ITGB1: variants seen among roughly 807,000 people sequenced by gnomAD.
ITGB1 encodes integrin subunit beta 1.
A neutral mutation model predicts 86.5 loss-of-function variants in ITGB1; 24 were observed. The ratio of observed to expected loss-of-function variants is 0.28; its 90% CI spans 0.20 to 0.39. The LOEUF (loss-of-function observed/expected upper bound fraction) is 0.39, where lower values mean the gene tolerates loss of function less well. Ranked by LOEUF, ITGB1 falls within the 10% of genes least tolerant of loss-of-function variation. ITGB1 has a pLI of 1.00. For missense variants in ITGB1, 556 were observed against 946.9 expected (o/e 0.59, Z 5.42); for synonymous variants, 323 against 316.8 (o/e 1.02, Z -0.21).
rs141333651 is a variant in ITGB1, at chr10:32,952,761, T to C, written c.-1+5384A>G. ...TTTTTCTTCTTCCTTTCTGTCTTTA[T>C]TGCCTCTTCATCTCCTCACCAACCA... is the stretch of plus-strand genomic sequence containing the variant. On this transcript the variant is annotated intron_variant, in intron 1 of 15. Transcript: ENST00000302278. 7.7e-4 allele frequency among the ~76,000 whole-genome samples: 118 copies of C among 152,320 alleles called. No homozygotes were observed. The Middle Eastern group carries it at 0.01, about 13-fold the overall frequency.
At chr10:32,912,937 A>G (rs533236560) in intron 11 of ITGB1, among the ~76,000 whole-genome samples, 1 of 152,156 alleles carries the variant, frequency 6.6e-6, no homozygotes, top group East Asian at 1.9e-4. Context: ...CACCTCATAC[A>G]GCCCGGTGCC....
intron 11 of ITGB1, among the ~76,000 whole-genome samples, chr10:32,919,527 A>T (rs2094942143): frequency 6.6e-6 from 1 of 152,172 alleles, no homozygotes; most frequent in African/African-American, 2.4e-5. Context: ...CATCGGTTTG[A>T]TGTTTTTCCA....
intron 11 of ITGB1, among the ~76,000 whole-genome samples, chr10:32,919,638 A>G (rs1312431391): frequency 3.3e-5 from 5 of 152,218 alleles, no homozygotes; most frequent in African/African-American, 4.8e-5. Flanking sequence ...TTTGTTGAAT[A>G]TACTTCTTTC....
intron 14 of ITGB1, among the ~76,000 whole-genome samples, chr10:32,909,748 A>T (rs981236718): frequency 6.6e-6 from 1 of 152,138 alleles, no homozygotes; most frequent in Non-Finnish European, 1.5e-5. Context: ...AGAAAATTCC[A>T]AAGAATCTAC....
At chr10:32,948,356 C>G (rs929482503) in intron 1 of ITGB1, among the ~76,000 whole-genome samples, 11 of 152,044 alleles carry the variant, frequency 7.2e-5, no homozygotes, top group African/African-American at 2.7e-4. Context: ...TACAAATGCT[C>G]TGAACACTAA....
intron 11 of ITGB1, among the ~76,000 whole-genome samples, chr10:32,915,392 T>G (rs977585589): frequency 5.9e-5 from 9 of 152,004 alleles, no homozygotes; most frequent in African/African-American, 1.9e-4. Context: ...TTTTTTGAAA[T>G]GATCAACAAA....
intron 3 of ITGB1, among the ~76,000 whole-genome samples, chr10:32,931,243 G>A (rs930145402): frequency 1.3e-5 from 2 of 152,008 alleles, no homozygotes; most frequent in African/African-American, 2.4e-5. Context: ...ATCAATCCAC[G>A]AAATTTACAA....
At chr10:32,946,567 A>C (rs1210394179) in intron 1 of ITGB1, among the ~76,000 whole-genome samples, 1 of 152,162 alleles carries the variant, frequency 6.6e-6, no homozygotes, top group Non-Finnish European at 1.5e-5. Flanking sequence ...GAAGTGGGGC[A>C]TATGAGAGAA....
intron 5 of ITGB1, among the ~76,000 whole-genome samples, chr10:32,927,107 G>T (rs182395216): frequency 5.6e-4 from 85 of 152,174 alleles, no homozygotes; most frequent in African/African-American, 1.9e-3. Context: ...TAGAATTCTG[G>T]CCATTTTAAA....
intron 1 of ITGB1, among the ~76,000 whole-genome samples, chr10:32,939,282 C>T (rs920426006): frequency 1.3e-5 from 2 of 152,232 alleles, no homozygotes; most frequent in African/African-American, 4.8e-5. Flanking sequence ...AATTCTAACG[C>T]TTGTCTCCTC....
chr10:32,935,458 T>C (rs1196180219), intron 2 of ITGB1, 34 bp downstream of exon 2: 4 of 1,426,082 alleles, frequency 2.8e-6, no homozygotes, highest in Non-Finnish European at 4.0e-6. Flanking sequence ...GATACGGAAA[T>C]GAAAAGACAA....
chr10:32,910,983 C>A (rs146981875), intron 13 of ITGB1, among the ~76,000 whole-genome samples: 1 of 152,156 alleles, frequency 6.6e-6, no homozygotes, highest in Non-Finnish European at 1.5e-5. Flanking sequence ...AAGTGATCCA[C>A]CTGTCTCGGC....
chr10:32,951,682 T>C lies in ITGB1; in HGVS notation c.-1+6463A>G, dbSNP rs559500123. The stretch of plus-strand genomic sequence containing the variant: ...AAGGTAAGACATTATTACCTAGCAA[T>C]TGATTGTTTTTCAAACCAGCCTAGT... On this transcript the variant is annotated intron_variant, in intron 1 of 15. Transcript: ENST00000302278. 9.2e-5 allele frequency: 14 copies of C among 152,318 alleles called. 1 individual carries two copies. In the South Asian group the frequency reaches 2.3e-3, roughly 25 times the overall value. 9.4% of individuals were successfully genotyped at this position (152,318 alleles called of 1,614,324 possible). A position where few individuals can be genotyped will look rare whatever the true frequency, so the allele number is the denominator to read the frequency against.
At chr10:32,915,796 C>A (rs1356939532) in intron 11 of ITGB1, among the ~76,000 whole-genome samples, 1 of 152,202 alleles carries the variant, frequency 6.6e-6, no homozygotes, top group African/African-American at 2.4e-5. Flanking sequence ...AAGAGGGAAT[C>A]CTCCCTAACT....
intron 1 of ITGB1, among the ~76,000 whole-genome samples, chr10:32,951,398 G>A (rs1284183208): frequency 6.6e-6 from 1 of 151,734 alleles, no homozygotes. Context: ...CAGACAACTG[G>A]TACAGCACCA....
chr10:32,907,293 T>C (rs550029722), intron 15 of ITGB1: 1 of 301,594 alleles, frequency 3.3e-6, no homozygotes, highest in Admixed American at 5.4e-5. Flanking sequence ...CCCAAGCAAA[T>C]TGTAGTAAAG....
intron 1 of ITGB1, chr10:32,935,817 G>A (rs993879088): frequency 3.3e-6 from 1 of 305,682 alleles, no homozygotes. Flanking sequence ...AAAGCAAACC[G>A]ATTATATTTT....
chr10:32,916,537 T>C (rs1430491205), intron 11 of ITGB1, among the ~76,000 whole-genome samples: 1 of 152,152 alleles, frequency 6.6e-6, no homozygotes, highest in Admixed American at 6.5e-5. Flanking sequence ...GGCATTCCTG[T>C]ACACCAATAA....
chr10:32,951,569 G>A (rs1359849636), intron 1 of ITGB1: 1 of 152,146 alleles, frequency 6.6e-6, no homozygotes, highest in African/African-American at 2.4e-5. Context: ...TATAAACAAA[G>A]CTATTAAGCC....
Sources: allele counts gnomAD v4.1 joint callset (sites outside exome capture counted in the v4.1 genomes callset), GRCh38; gene constraint gnomAD v4.1.1; transcripts MANE v1.5; gene names NCBI Gene and HGNC (gene_info 2026-07-23, HGNC 2026-07-21).